UAP1: variants seen among roughly 807,000 people sequenced by gnomAD.
UAP1 encodes the protein UDP-N-acetylglucosamine pyrophosphorylase 1, also known as UDP-N-acetylhexosamine pyrophosphorylase.
UAP1 carries 25 observed loss-of-function variants against 58.5 expected under a neutral mutation model. The ratio of observed to expected loss-of-function variants is 0.43; its 90% CI spans 0.31 to 0.60. UAP1 has a LOEUF of 0.60. Among genes scored for constraint, UAP1 ranks in the 20% least tolerant of loss-of-function variants. The pLI is 0.11. For synonymous variants in UAP1, 208 were observed against 213.0 expected, an observed-to-expected ratio of 0.98 and a Z score of 0.21; for missense variants, 575 against 630.0, an observed-to-expected ratio of 0.91 and a Z score of 0.93.
exon 4 of UAP1, chr1:162,579,598 C>A: frequency 6.3e-7 from 1 of 1,577,808 alleles, no homozygotes. Context: ...GTTTCTATGG[C>A]TCCAGGTTTG....
intron 5 of UAP1, among the ~76,000 whole-genome samples, chr1:162,583,936 G>A (rs533074783): frequency 6.6e-6 from 1 of 152,134 alleles, no homozygotes; most frequent in African/African-American, 2.4e-5. Flanking sequence ...CACTGCACCC[G>A]GCCAGAGTTC....
chr1:162,596,244 C>T lies in UAP1; in HGVS notation c.1410-1548C>T, dbSNP rs564539215. ...CGGCTAGAGTGCAATGGTGCAATCTCGGCTCACTGCAACCTCTGCCTCTTG... is the reference window on the plus strand; with the variant it reads ...CGGCTAGAGTGCAATGGTGCAATCTTGGCTCACTGCAACCTCTGCCTCTTG... On this transcript the variant is annotated intron_variant, in intron 9 of 10. Transcript: ENST00000271469. Among the ~76,000 whole-genome samples, 7 of 152,120 alleles carry T rather than the reference C, an allele frequency of 4.6e-5. No individual in the cohort carries two copies. The South Asian group carries it at 1.2e-3, about 27-fold the overall frequency.
At chr1:162,591,429 G>T (rs537487063) in intron 8 of UAP1, among the ~76,000 whole-genome samples, 35 of 152,196 alleles carry the variant, frequency 2.3e-4, no homozygotes, top group Non-Finnish European at 4.3e-4. Flanking sequence ...AAAAAAGAAG[G>T]TATTGTAGTT....
At chr1:162,577,420 G>A (rs555460563) in intron 3 of UAP1, among the ~76,000 whole-genome samples, 4 of 134,832 alleles carry the variant, frequency 3.0e-5, no homozygotes, top group East Asian at 2.3e-4. Flanking sequence ...ACCTTGGTCA[G>A]TGTTAGTTCC....
chr1:162,574,541 G>A (rs2101759476), intron 2 of UAP1, among the ~76,000 whole-genome samples: 1 of 152,350 alleles, frequency 6.6e-6, no homozygotes, highest in South Asian at 2.1e-4. Flanking sequence ...ATCACTGACT[G>A]CGTCGTCTGG....
downstream of UAP1, among the ~76,000 whole-genome samples, chr1:162,600,134 TG>T (rs1655847235): frequency 6.6e-6 from 1 of 152,240 alleles, no homozygotes; most frequent in Non-Finnish European, 1.5e-5. Context: ...GGATTAGGGA[TG>T]TCACTAAACA....
chr1:162,578,514 A>G (rs763719616), intron 3 of UAP1, among the ~76,000 whole-genome samples: 52 of 152,174 alleles, frequency 3.4e-4, no homozygotes, highest in Admixed American at 7.9e-4. Flanking sequence ...ATTTGGAGGA[A>G]CATCTGTGTT....
chr1:162,593,300 T>C (rs1655430531), intron 9 of UAP1: 1 of 153,142 alleles, frequency 6.5e-6, no homozygotes, highest in African/African-American at 2.4e-5. Flanking sequence ...TCAGTTACTT[T>C]CTTGCTTCTA....
intron 3 of UAP1, among the ~76,000 whole-genome samples, chr1:162,578,631 A>C (rs1654360463): frequency 6.6e-6 from 1 of 152,214 alleles, no homozygotes; most frequent in Admixed American, 6.5e-5. Context: ...GTTCTTATGC[A>C]GAGAAGTTTA....
chr1:162,599,063 G>A (rs1315123539), intron 10 of UAP1, among the ~76,000 whole-genome samples: 2 of 152,024 alleles, frequency 1.3e-5, no homozygotes, highest in African/African-American at 2.4e-5. Context: ...AATGATCAGA[G>A]TAATTTTCTT....
intron 2 of UAP1, among the ~76,000 whole-genome samples, chr1:162,574,201 A>T (rs538155750): frequency 1.3e-5 from 2 of 148,430 alleles, no homozygotes; most frequent in South Asian, 4.2e-4. Flanking sequence ...CAAGCAGTTC[A>T]TCTGCCTCAG....
intron 9 of UAP1, 167 bp from the exon 10 acceptor site, chr1:162,597,625 A>C (rs1655686652): frequency 5.4e-6 from 3 of 555,728 alleles, no homozygotes; most frequent in African/African-American, 3.8e-5. Flanking sequence ...TTTCATATTA[A>C]CTTAATCCTC....
At chr1:162,583,703 C>T (rs1018837312) in intron 5 of UAP1, among the ~76,000 whole-genome samples, 2 of 152,026 alleles carry the variant, frequency 1.3e-5, no homozygotes, top group African/African-American at 4.8e-5. Context: ...GATCTTGGCT[C>T]ACTGCAACTT....
At chr1:162,579,338 G>T (rs1243929525) in intron 3 of UAP1, 90 bp from the exon 4 acceptor site, 8 of 975,434 alleles carry the variant, frequency 8.2e-6, no homozygotes, top group Non-Finnish European at 1.1e-5. Flanking sequence ...TGCTTTCAAA[G>T]ATATCTTTAG....
At chr1:162,580,453 A>T (rs1571072641) in intron 4 of UAP1, among the ~76,000 whole-genome samples, 1 of 152,186 alleles carries the variant, frequency 6.6e-6, no homozygotes, top group East Asian at 1.9e-4. Context: ...TGTTAATGGG[A>T]CCCACTAGAA....
At position 162,596,418 on chromosome 1, in the gene UAP1, A is replaced by G. The variant is rs533745871; in HGVS notation, c.1410-1374A>G. On this transcript the variant is annotated intron_variant, in intron 9 of 10. Coordinates refer to ENST00000271469, the Ensembl canonical transcript of UAP1. ...TCAAACTCCTGACCTCAGGTGATCC[A>G]CCCACCGCGGCCTCCCAAAGTGCTG... Among the ~76,000 whole-genome samples the G allele has an allele frequency of 5.9e-5, 9 of 151,878 alleles. No individual in the cohort carries two copies. The East Asian group carries it at 1.6e-3, about 26-fold the overall frequency.
intron 5 of UAP1, among the ~76,000 whole-genome samples, chr1:162,583,888 CTTT>C (rs2101799976): frequency 6.6e-6 from 1 of 152,180 alleles, no homozygotes; most frequent in East Asian, 1.9e-4. Context: ...GATCTACCTG[CTTT>C]GGCCTCCCAA....
intron 1 of UAP1, among the ~76,000 whole-genome samples, chr1:162,563,767 A>G (rs1444862520): frequency 2.6e-5 from 4 of 152,190 alleles, no homozygotes; most frequent in African/African-American, 9.6e-5. Flanking sequence ...TTAAAATGTT[A>G]TAGTAATATG....
At chr1:162,580,903 G>A (rs1038219755) in intron 4 of UAP1, among the ~76,000 whole-genome samples, 33 of 152,114 alleles carry the variant, frequency 2.2e-4, no homozygotes, top group African/African-American at 7.2e-4. Flanking sequence ...TCAGCATTGG[G>A]GTTATAAATA....
Sources: gnomAD v4.1 joint callset for allele counts (sites outside exome capture counted in the v4.1 genomes callset) on GRCh38, gnomAD v4.1.1 for gene constraint, MANE v1.5 for transcripts, NCBI Gene and HGNC (gene_info 2026-07-23, HGNC 2026-07-21) for gene names.